Variants in GRIK2 observed in about 807,000 individuals in gnomAD.
GRIK2 encodes glutamate ionotropic receptor kainate type subunit 2, also known as glutamate receptor ionotropic, kainate 2.
In GRIK2, 32 loss-of-function variants were observed where a neutral mutation model predicts 100.3. That is an observed-to-expected ratio of 0.32 (90% CI 0.24 to 0.43). GRIK2 has a LOEUF of 0.43. GRIK2 is among the 20% of genes least tolerant of loss of function. The pLI is 1.00. For synonymous variants in GRIK2, 417 were observed against 389.4 expected, an observed-to-expected ratio of 1.07 and a Z score of -0.83; for missense variants, 843 against 1,114.9, an observed-to-expected ratio of 0.76 and a Z score of 3.47.
chr6:101,520,920 A>G (rs114814222), intron 2 of GRIK2, among the ~76,000 whole-genome samples: 2,025 of 152,228 alleles, frequency 0.013, 43 homozygotes, highest in African/African-American at 0.046. Flanking sequence ...CAAAATTGCT[A>G]ATTTATATAT....
At chr6:101,611,942 A>G (rs1779695562) in intron 2 of GRIK2, among the ~76,000 whole-genome samples, 1 of 151,912 alleles carries the variant, frequency 6.6e-6, no homozygotes, top group Non-Finnish European at 1.5e-5. Flanking sequence ...TATGGACATA[A>G]AACTCTTAGA....
At chr6:102,000,848 C>T (rs73500519) in intron 14 of GRIK2, among the ~76,000 whole-genome samples, 17,725 of 151,948 alleles carry the variant, frequency 0.12, 2,901 homozygotes, top group African/African-American at 0.37. Context: ...TTTAGATTTT[C>T]ATTGATTTTC....
intron 14 of GRIK2, among the ~76,000 whole-genome samples, chr6:101,978,118 T>A (rs865924704): frequency 3.6e-4 from 55 of 152,072 alleles, no homozygotes; most frequent in South Asian, 2.5e-3. Flanking sequence ...ACTAAGTCCA[T>A]AAGCCTAGCT....
chr6:101,441,111 T>G (rs1188288445), intron 2 of GRIK2, among the ~76,000 whole-genome samples: 2 of 151,988 alleles, frequency 1.3e-5, no homozygotes, highest in Non-Finnish European at 2.9e-5. Flanking sequence ...CCTAGAGCAC[T>G]GGGATTACAG....
chr6:101,530,152 C>A (rs1775361307), intron 2 of GRIK2, among the ~76,000 whole-genome samples: 1 of 151,888 alleles, frequency 6.6e-6, no homozygotes, highest in Non-Finnish European at 1.5e-5. Context: ...ATTTTTTAAA[C>A]CTGGATAACT....
intron 7 of GRIK2, among the ~76,000 whole-genome samples, chr6:101,775,476 C>T (rs750179540): frequency 3.3e-5 from 5 of 151,626 alleles, no homozygotes; most frequent in Non-Finnish European, 7.4e-5. Context: ...CTCATGGGTA[C>T]TCAATGACAC....
chr6:101,812,351 G>A (rs1781384287), intron 9 of GRIK2, among the ~76,000 whole-genome samples: 1 of 151,748 alleles, frequency 6.6e-6, no homozygotes, highest in Admixed American at 6.6e-5. Flanking sequence ...ATAATTTAAA[G>A]ATTGATGAAA....
At chr6:101,610,038 G>T (rs921634870) in intron 2 of GRIK2, among the ~76,000 whole-genome samples, 7 of 151,558 alleles carry the variant, frequency 4.6e-5, no homozygotes, top group African/African-American at 1.7e-4. Context: ...AAGAAACTTT[G>T]CCAGAAAATA....
intron 7 of GRIK2, among the ~76,000 whole-genome samples, chr6:101,761,826 C>CTTCCTTTGT (rs1199726488): frequency 8.6e-6 from 1 of 116,406 alleles, no homozygotes; most frequent in African/African-American, 3.4e-5. Flanking sequence ...CTTTTCTTTT[C>CTTCCTTTGT]TTCCTTTGTT....
At chr6:102,052,319 T>C (rs923929353) in intron 15 of GRIK2, among the ~76,000 whole-genome samples, 4 of 152,356 alleles carry the variant, frequency 2.6e-5, no homozygotes, top group Non-Finnish European at 5.9e-5. Flanking sequence ...ATATTCCTTA[T>C]ATTATTTCAT....
chr6:101,953,756 A>G (rs1002173594), intron 14 of GRIK2, among the ~76,000 whole-genome samples: 4 of 152,260 alleles, frequency 2.6e-5, no homozygotes, highest in Admixed American at 2.6e-4. Context: ...AGCTTTTACT[A>G]TTAATGACAT....
intron 12 of GRIK2, among the ~76,000 whole-genome samples, chr6:101,902,553 T>C (rs1787917486): frequency 6.6e-6 from 1 of 151,984 alleles, no homozygotes; most frequent in African/African-American, 2.4e-5. Context: ...TAACTGTATA[T>C]GAACATATCT....
intron 11 of GRIK2, chr6:101,860,767 G>A (rs1373318926): frequency 3.3e-5 from 5 of 153,806 alleles, no homozygotes; most frequent in African/African-American, 1.2e-4. Flanking sequence ...AGAGGTTGGT[G>A]TATAATGAGG....
At chr6:101,480,944 G>A (rs1165875353) in intron 2 of GRIK2, among the ~76,000 whole-genome samples, 2 of 152,094 alleles carry the variant, frequency 1.3e-5, no homozygotes, top group African/African-American at 4.8e-5. Context: ...AGCAAAATGG[G>A]GAGTCATGAA....
chr6:102,018,624 T>C (rs1329614544), intron 14 of GRIK2, among the ~76,000 whole-genome samples: 1 of 152,112 alleles, frequency 6.6e-6, no homozygotes, highest in Admixed American at 6.6e-5. Context: ...CATGGATATC[T>C]GCTTCAGTAA....
chr6:102,029,600 A>T (rs906938222), intron 14 of GRIK2, among the ~76,000 whole-genome samples: 1 of 151,224 alleles, frequency 6.6e-6, no homozygotes, highest in Non-Finnish European at 1.5e-5. Context: ...AAATCTAGCT[A>T]AGTCTTCTTA....
intron 12 of GRIK2, among the ~76,000 whole-genome samples, chr6:101,896,574 T>C (rs1429149027): frequency 1.3e-5 from 2 of 151,776 alleles, no homozygotes; most frequent in African/African-American, 4.8e-5. Flanking sequence ...AGGCCAAAAT[T>C]AAGTATAAAC....
At position 101,446,427 on chromosome 6, in the gene GRIK2, A is replaced by AT. The variant is rs532717372; in HGVS notation, c.115+47043dup. Among the ~76,000 whole-genome samples the AT allele has an allele frequency of 4.4e-4, 67 of 151,810 alleles. 2 individuals are homozygous for AT. The highest frequency in any genetic ancestry group is 7.2e-4 in the Admixed American group (11 of 15,196). On this transcript the variant is annotated intron_variant, in intron 2 of 16. Transcript: ENST00000369134. The stretch of plus-strand genomic sequence containing the variant: ...TCCTTATTACGACGATAATAAAATG[A>AT]TTTTTTTTGTTACAATGAATAGATT...
intron 10 of GRIK2, among the ~76,000 whole-genome samples, chr6:101,836,658 TA>T (rs1163912000): frequency 4.4e-4 from 27 of 61,990 alleles, no homozygotes; most frequent in African/African-American, 1.3e-3. Context: ...TATATATATA[TA>T]TATTTTTTTT....
Sources: allele counts gnomAD v4.1 joint callset (sites outside exome capture counted in the v4.1 genomes callset), GRCh38; gene constraint gnomAD v4.1.1; transcripts MANE v1.5; gene names NCBI Gene and HGNC (gene_info 2026-07-23, HGNC 2026-07-21).